Variants in ZNF462 observed in about 807,000 individuals in gnomAD.
ZNF462 encodes the protein zinc finger protein 462, also known as zinc finger PBX1-interacting protein.
ZNF462 carries 10 observed loss-of-function variants against 201.9 expected under a neutral mutation model. The observed-to-expected ratio is 0.05, with a 90% CI of 0.03 to 0.08. ZNF462 has a LOEUF of 0.08. ZNF462 is among the 10% of genes least tolerant of loss of function. The pLI is 1.00. For missense variants in ZNF462, 2,523 were observed against 3,168.3 expected (o/e 0.80, Z 4.89); for synonymous variants, 1,227 against 1,193.3 (o/e 1.03, Z -0.58).
At chr9:106,907,399 A>C (rs1238399476) in intron 1 of ZNF462, among the ~76,000 whole-genome samples, 1 of 152,136 alleles carries the variant, frequency 6.6e-6, no homozygotes, top group East Asian at 1.9e-4. Context: ...TAGGTTGGCT[A>C]TTTGACTGTT....
intron 1 of ZNF462, among the ~76,000 whole-genome samples, chr9:106,911,631 A>G (rs549186799): frequency 6.6e-6 from 1 of 152,358 alleles, no homozygotes; most frequent in South Asian, 2.1e-4. Flanking sequence ...AAGGATGGGA[A>G]TTACTTAGAC....
chr9:106,911,505 A>G (rs772992723), intron 1 of ZNF462, among the ~76,000 whole-genome samples: 2 of 152,120 alleles, frequency 1.3e-5, no homozygotes, highest in Non-Finnish European at 2.9e-5. Flanking sequence ...GGACCTCAAC[A>G]CCAGAGTTTC....
chr9:106,924,489 A>G lies in ZNF462; in HGVS notation c.577A>G (p.Thr193Ala), dbSNP rs142022589. The change falls in exon 3 of 13, where the codon ACT becomes GCT. Residue 193 changes from threonine to alanine, a missense_variant. Coordinates refer to ENST00000277225, the MANE Select transcript of ZNF462 (RefSeq NM_021224.6). The surrounding 1 kb of genome is among the most constrained non-coding windows in gnomAD (Gnocchi z 6.2). ...MYHKNNLKET[T>A]APPPAPAPMP... Reference sequence around the variant, plus strand: ...TCACAAAAACAATTTGAAGGAGACCACTGCTCCCCCACCTGCTCCTGCTCC... The same window carrying G: ...TCACAAAAACAATTTGAAGGAGACCGCTGCTCCCCCACCTGCTCCTGCTCC... The G allele has an allele frequency of 3.7e-4, 601 of 1,614,162 alleles. 4 individuals carry two copies. The African/African-American group carries it at 7.3e-3, about 20-fold the overall frequency.
In ZNF462 at chr9:106,978,390, C is replaced by G. The variant is rs1215272759; in HGVS notation, c.6832+4117C>G. Among the ~76,000 whole-genome samples, 1 of 151,610 alleles carries G rather than the reference C, an allele frequency of 6.6e-6. No homozygotes were observed. Among genetic ancestry groups the G allele is most frequent in the African/African-American group, 2.4e-5 (1 of 40,880 alleles). On this transcript the variant is annotated intron_variant, in intron 9 of 12. Transcript: ENST00000277225. The surrounding 1 kb of genome is among the most constrained non-coding windows in gnomAD (Gnocchi z 4.1). ...GGCCAAAGTATGAAGCGCCTGGATA[C>G]TAATATAGAAGTTGGAACTTTAGTC...
At position 106,984,258 on chromosome 9, in the gene ZNF462, G is replaced by A; in HGVS notation, c.6905G>A (p.Cys2302Tyr). 1 of 1,614,118 alleles carries A rather than the reference G, an allele frequency of 6.2e-7. No individual in the cohort carries two copies. The highest frequency in any genetic ancestry group is 8.5e-7 in the Non-Finnish European group (1 of 1,179,990). ...SKYLQGVVFR[C>Y]DKCTFTCSSD... is the part of the protein sequence containing the mutation. ...TACTTGCAGGGAGTAGTTTTCCGCT[G>A]TGATAAGTGTACCTTCACCTGCTCC... The change falls in exon 10 of 13, where the codon TGT (cysteine) becomes TAT (tyrosine). Residue 2302 changes from cysteine (C) to tyrosine (Y), a missense_variant. Coordinates refer to ENST00000277225, the MANE Select transcript of ZNF462 (RefSeq NM_021224.6). The surrounding 1 kb of genome is among the most constrained non-coding windows in gnomAD (Gnocchi z 6.4).
upstream of ZNF462, among the ~76,000 whole-genome samples, chr9:106,860,835 T>C (rs913079170): frequency 6.6e-6 from 1 of 151,896 alleles, no homozygotes; most frequent in Non-Finnish European, 1.5e-5. This position sits in a 1 kb window ranked among gnomAD's most constrained non-coding sequence, Gnocchi z 7.1. Context: ...CAGGAGGACT[T>C]CCCTAGGTCC....
intron 1 of ZNF462, among the ~76,000 whole-genome samples, chr9:106,910,149 A>G (rs2131292409): frequency 6.6e-6 from 1 of 151,958 alleles, no homozygotes; most frequent in African/African-American, 2.4e-5. Flanking sequence ...TTCTGCAATG[A>G]TATTATTTTT....
At position 106,970,327 on chromosome 9, in the gene ZNF462, A is replaced by T. The variant is rs1015578747; in HGVS notation, c.6428-1678A>T. ...GGGGTTTTTCTCAATCTTGAGGAAT[A>T]TGAATTGAGGAGGCGGGGAGGAGAA... On this transcript the variant is annotated intron_variant, in intron 7 of 12. Coordinates refer to ENST00000277225, the MANE Select transcript of ZNF462 (RefSeq NM_021224.6). The surrounding 1 kb of genome is among the most constrained non-coding windows in gnomAD (Gnocchi z 4.2). 6.6e-6 allele frequency among the ~76,000 whole-genome samples: 1 copy of T among 152,136 alleles called. No individual in the cohort carries two copies.
At chr9:106,875,903 T>C (rs1394028783) in intron 1 of ZNF462, among the ~76,000 whole-genome samples, 1 of 152,236 alleles carries the variant, frequency 6.6e-6, no homozygotes. Flanking sequence ...GCTTTATATG[T>C]GTATATATGT....
intron 9 of ZNF462, among the ~76,000 whole-genome samples, chr9:106,983,960 G>A (rs1163565536): frequency 6.6e-6 from 1 of 152,090 alleles, no homozygotes; most frequent in Non-Finnish European, 1.5e-5. Flanking sequence ...GTCATTCTGG[G>A]TATTAAGTAC....
intron 10 of ZNF462, among the ~76,000 whole-genome samples, chr9:106,997,599 A>C (rs1417976443): frequency 1.3e-5 from 2 of 152,172 alleles, no homozygotes; most frequent in African/African-American, 4.8e-5. Flanking sequence ...CTTATCTGAG[A>C]ATTCAAGATT....
intron 1 of ZNF462, among the ~76,000 whole-genome samples, chr9:106,921,922 A>G (rs574745267): frequency 1.3e-5 from 2 of 152,172 alleles, no homozygotes; most frequent in Non-Finnish European, 2.9e-5. Flanking sequence ...GAAAAAGGAT[A>G]AATTGCTGGG....
chr9:106,969,301 G>GC (rs1317006508), intron 7 of ZNF462, among the ~76,000 whole-genome samples: 1 of 152,170 alleles, frequency 6.6e-6, no homozygotes, highest in Non-Finnish European at 1.5e-5. Flanking sequence ...AGGGCAATGA[G>GC]CCTCTGTTTC....
rs1027130420 is a variant in ZNF462 at position 106,917,731 on chromosome 9, T to C, written c.-30-5623T>C. Among the ~76,000 whole-genome samples the C allele has an allele frequency of 8.5e-5, 13 of 152,158 alleles. No individual in the cohort carries two copies. Among genetic ancestry groups the C allele is most frequent in the Non-Finnish European group, 1.3e-4 (9 of 68,034 alleles). On this transcript the variant is annotated intron_variant, in intron 1 of 12. Coordinates refer to ENST00000277225, the MANE Select transcript of ZNF462 (RefSeq NM_021224.6). This position sits in a 1 kb window ranked among gnomAD's most constrained non-coding sequence, Gnocchi z 4.5. The stretch of plus-strand genomic sequence containing the variant: ...AAAGTATAAACATTTGATAGGTCAT[T>C]TGAAGACTACATGGTGAGCCAGAAT...
intron 1 of ZNF462, among the ~76,000 whole-genome samples, chr9:106,863,896 C>T (rs1016295119): frequency 6.6e-6 from 1 of 152,010 alleles, no homozygotes; most frequent in Non-Finnish European, 1.5e-5. Flanking sequence ...GGAGGGAGAG[C>T]TCCGTGCGAG....
At chr9:107,002,825 T>C (rs1400657176) in intron 10 of ZNF462, among the ~76,000 whole-genome samples, 3 of 152,198 alleles carry the variant, frequency 2.0e-5, no homozygotes, top group Non-Finnish European at 2.9e-5. Flanking sequence ...TGCAACACCC[T>C]GGTTGATGGG....
rs1564108187 is a variant in ZNF462 at position 106,927,737 on chromosome 9, C to T, written c.3825C>T (p.Pro1275=). 4 of 1,614,142 alleles carry T rather than the reference C, an allele frequency of 2.5e-6. No individual in the cohort carries two copies. Among genetic ancestry groups the T allele is most frequent in the Admixed American group, 1.7e-5 (1 of 60,024 alleles). Residue 1275 remains proline, a synonymous_variant, in exon 3 of 13, where the codon CCC becomes CCT. Transcript: ENST00000277225. The part of the protein sequence containing the change: ...LKCRQCSYTS[P]YFYALRKHIK... ...GTAGGCAGTGCTCATATACCTCCCC[C>T]TACTTCTATGCACTGAGGAAGCATA... is the stretch of plus-strand genomic sequence containing the variant.
At position 106,932,580 on chromosome 9, in the gene ZNF462, A is replaced by T. The variant is rs984492835; in HGVS notation, c.6116+31A>T. The T allele has an allele frequency of 1.2e-6, 2 of 1,614,114 alleles. No individual in the cohort carries two copies. The highest frequency in any genetic ancestry group is 1.7e-6 in the Non-Finnish European group (2 of 1,179,998). On this transcript the variant is annotated intron_variant, in intron 5 of 12. Coordinates refer to ENST00000277225, the MANE Select transcript of ZNF462 (RefSeq NM_021224.6). The surrounding 1 kb of genome is among the most constrained non-coding windows in gnomAD (Gnocchi z 6.8). The stretch of plus-strand genomic sequence containing the variant: ...TGCTATTGGGGGGTCACTAGTGGTT[A>T]CTGGGAGATGATGTCATAGTGGAAG...
At chr9:106,949,493 T>G (rs556436822) in intron 7 of ZNF462, among the ~76,000 whole-genome samples, 1 of 152,196 alleles carries the variant, frequency 6.6e-6, no homozygotes, top group Non-Finnish European at 1.5e-5. Flanking sequence ...TCCCTTGTCC[T>G]TGAGTTAACT....
Sources: gnomAD v4.1 joint callset for allele counts (sites outside exome capture counted in the v4.1 genomes callset) on GRCh38, gnomAD v4.1.1 for gene constraint, Gnocchi (gnomAD v3.1) non-coding constraint, MANE v1.5 for transcripts, NCBI Gene and HGNC (gene_info 2026-07-23, HGNC 2026-07-21) for gene names.